SORT1: variants seen among roughly 807,000 people sequenced by gnomAD.
SORT1 encodes the protein sortilin.
Under a neutral mutation model 101.7 loss-of-function variants are expected in SORT1, and 39 were observed. The observed-to-expected ratio is 0.38, with a 90% CI of 0.30 to 0.50. The LOEUF (loss-of-function observed/expected upper bound fraction) is 0.50. SORT1 is among the 20% of genes least tolerant of loss of function. The pLI, the probability that SORT1 is intolerant of heterozygous loss-of-function variation, is 0.90. For synonymous variants in SORT1, 396 were observed against 393.7 expected, an observed-to-expected ratio of 1.01 and a Z score of -0.07; for missense variants, 878 against 1,040.4, an observed-to-expected ratio of 0.84 and a Z score of 2.15.
chr1:109,328,259 A>C (rs1377324536), intron 11 of SORT1, among the ~76,000 whole-genome samples: 2 of 152,234 alleles, frequency 1.3e-5, no homozygotes, highest in Non-Finnish European at 2.9e-5. Context: ...TATAATCCAG[A>C]AGTGGAATTG....
Position 109,396,914 on chromosome 1 carries a change from A to G in SORT1, c.306+673T>C, listed in dbSNP as rs997088775. The stretch of plus-strand genomic sequence containing the variant: ...GAGCTGCTTGTCCCCAGGGACAGAA[A>G]TCCCATAATTTTGAAAGTCTTTTGA... On this transcript the variant is annotated intron_variant, in intron 1 of 19. Coordinates refer to ENST00000256637, the MANE Select transcript of SORT1 (RefSeq NM_002959.7). Among the ~76,000 whole-genome samples the G allele has an allele frequency of 5.9e-5, 9 of 152,346 alleles. No individual in the cohort carries two copies. In the East Asian group the frequency reaches 1.2e-3, roughly 20 times the overall value.
chr1:109,353,772 C>T (rs923043592), intron 5 of SORT1, among the ~76,000 whole-genome samples: 1 of 152,124 alleles, frequency 6.6e-6, no homozygotes, highest in Non-Finnish European at 1.5e-5. Flanking sequence ...GGCCCTTAAC[C>T]ACAGTAAAGG....
At chr1:109,326,100 T>C (rs1009615627) in intron 13 of SORT1, among the ~76,000 whole-genome samples, 3 of 149,706 alleles carry the variant, frequency 2.0e-5, no homozygotes, top group Non-Finnish European at 4.4e-5. Context: ...TCACCCAGGC[T>C]GGAGTGCAGT....
chr1:109,353,121 T>C (rs1178989787), intron 5 of SORT1, among the ~76,000 whole-genome samples: 5 of 151,130 alleles, frequency 3.3e-5, no homozygotes, highest in Non-Finnish European at 5.9e-5. Flanking sequence ...AGGTCAGGAG[T>C]TCGAGACCAG....
intron 16 of SORT1, among the ~76,000 whole-genome samples, 165 bp from the exon 17 acceptor site, chr1:109,317,123 G>A (rs965373564): frequency 7.9e-5 from 12 of 152,164 alleles, no homozygotes; most frequent in African/African-American, 2.9e-4. Context: ...GGGATATTTT[G>A]TGTAGTTTCA....
intron 1 of SORT1, among the ~76,000 whole-genome samples, chr1:109,380,264 G>A (rs890074653): frequency 1.3e-5 from 2 of 152,102 alleles, no homozygotes; most frequent in Non-Finnish European, 2.9e-5. Context: ...CTGTACTCCA[G>A]CCTGGGTGAC....
At position 109,311,027 on chromosome 1, in the gene SORT1, G is replaced by A. The variant is rs906849121; in HGVS notation, c.*3016C>T. 2 of 152,208 alleles carry A rather than the reference G, an allele frequency of 1.3e-5. No homozygotes were observed. The highest frequency in any genetic ancestry group is 6.5e-5 in the Admixed American group (1 of 15,286). 9.4% of individuals were successfully genotyped at this position (152,208 alleles called of 1,614,324 possible). A position where few individuals can be genotyped will look rare whatever the true frequency, so the allele number is the denominator to read the frequency against. ...GACGTAGATTCTACGTTCCAGTTAC[G>A]GCTGATCTATGGACTCTCCTGAGCC... is the stretch of plus-strand genomic sequence containing the variant. On this transcript the variant is annotated 3_prime_UTR_variant, in exon 20 of 20. Coordinates refer to ENST00000256637, the MANE Select transcript of SORT1 (RefSeq NM_002959.7).
At chr1:109,318,662 TC>T (rs951443319) in intron 15 of SORT1, among the ~76,000 whole-genome samples, 1 of 151,340 alleles carries the variant, frequency 6.6e-6, no homozygotes. Context: ...TTCTTCCCCC[TC>T]CCCGCTTTTT....
intron 11 of SORT1, among the ~76,000 whole-genome samples, chr1:109,331,855 C>T (rs560650523): frequency 6.7e-6 from 1 of 149,002 alleles, no homozygotes; most frequent in East Asian, 2.0e-4. Context: ...ATAAAATCAA[C>T]ATATAAAAAT....
intron 1 of SORT1, among the ~76,000 whole-genome samples, chr1:109,393,817 A>G (rs566503414): frequency 3.1e-4 from 47 of 152,178 alleles, no homozygotes; most frequent in African/African-American, 1.1e-3. Context: ...TACATACTAT[A>G]ACTCATTACA....
At position 109,355,464 on chromosome 1, in the gene SORT1, T is replaced by G. The variant is rs1650244621; in HGVS notation, c.446A>C (p.Asp149Ala). 1 of 1,536,672 alleles carries G rather than the reference T, an allele frequency of 6.5e-7. No individual in the cohort carries two copies. Among genetic ancestry groups the G allele is most frequent in the Non-Finnish European group, 9.0e-7 (1 of 1,109,778 alleles). ...AATATCCTTAAAGTTCTTCCCATAA[T>G]CCTCACTGAGAGGAAGAAAAAAAGG... ...FGQSKLYRSE[D>A]YGKNFKDITD... is the part of the protein sequence containing the mutation. The change falls in exon 4 of 20, where the codon GAT becomes GCT. Residue 149 changes from aspartate to alanine, a missense_variant. By Grantham distance (126) the Asp-to-Ala change is moderately radical (BLOSUM62 -2). Coordinates refer to ENST00000256637, the MANE Select transcript of SORT1 (RefSeq NM_002959.7).
In SORT1 at chr1:109,316,927, C is replaced by T. The variant is rs1647258722; in HGVS notation, c.2173G>A (p.Gly725Ser). The change falls in exon 17 of 20, where the codon GGT becomes AGT. Residue 725 changes from glycine (G) to serine (S), a missense_variant. By Grantham distance (56) the Gly-to-Ser change is moderately conservative. This residue lies in a region of SORT1 where 684 missense variants were observed against 894.5 expected (regional missense o/e 0.76). Coordinates refer to ENST00000256637, the MANE Select transcript of SORT1 (RefSeq NM_002959.7). ...YRKIPGDKCQGGVNPVREVKD... is the reference protein window; with the variant it reads ...YRKIPGDKCQSGVNPVREVKD... The stretch of plus-strand genomic sequence containing the variant: ...ACTTCTCGAACTGGATTTACCCCAC[C>T]CTGGCATTTGTCCCCTGGAATTTTC... 1 of 1,610,594 alleles carries T rather than the reference C, an allele frequency of 6.2e-7. No individual in the cohort carries two copies. The highest frequency in any genetic ancestry group is 8.5e-7 in the Non-Finnish European group (1 of 1,178,610).
rs1178728944 is a variant in SORT1, at chr1:109,355,377, T to C, written c.533A>G (p.Asn178Ser). The C allele has an allele frequency of 1.3e-6, 2 of 1,563,596 alleles. No individual in the cohort carries two copies. Among genetic ancestry groups the C allele is most frequent in the Non-Finnish European group, 1.8e-6 (2 of 1,134,048 alleles). Residue 178 changes from asparagine to serine, a missense_variant, in exon 4 of 20, where the codon AAC (asparagine) becomes AGC (serine). Physicochemically the swap from Asn to Ser is conservative, Grantham distance 46. Coordinates refer to ENST00000256637, the MANE Select transcript of SORT1 (RefSeq NM_002959.7). ...AAGAATGAGTCTCACCTTTCCAGAG[T>C]TCTCAGGACCAATAGCCATGCCAAA... ...TEFGMAIGPE[N>S]SGKVVLTAEV...
intron 3 of SORT1, among the ~76,000 whole-genome samples, chr1:109,364,607 C>T (rs1256277458): frequency 6.6e-6 from 1 of 152,174 alleles, no homozygotes; most frequent in Admixed American, 6.5e-5. Flanking sequence ...ACCGACCCAT[C>T]AGCATGGATG....
chr1:109,328,908 C>T (rs1012969955), intron 11 of SORT1, among the ~76,000 whole-genome samples: 1 of 152,170 alleles, frequency 6.6e-6, no homozygotes, highest in Admixed American at 6.5e-5. Flanking sequence ...CAGGGTAGGG[C>T]CCACCCCTGC....
At chr1:109,371,436 C>T (rs1651478102) in intron 1 of SORT1, among the ~76,000 whole-genome samples, 1 of 152,190 alleles carries the variant, frequency 6.6e-6, no homozygotes, top group Admixed American at 6.5e-5. Context: ...GCTAAGATCA[C>T]AGTCATCTAA....
At chr1:109,388,058 A>C (rs949796644) in intron 1 of SORT1, among the ~76,000 whole-genome samples, 1 of 151,202 alleles carries the variant, frequency 6.6e-6, no homozygotes. Context: ...CAAGTAGTAC[A>C]TTTTTTTTTC....
intron 1 of SORT1, among the ~76,000 whole-genome samples, chr1:109,373,080 A>C (rs767041196): frequency 7.2e-5 from 11 of 152,024 alleles, no homozygotes; most frequent in Non-Finnish European, 1.3e-4. Context: ...AGAAAAAAAA[A>C]CCCAAAACGA....
chr1:109,373,875 G>A (rs113468296), intron 1 of SORT1, among the ~76,000 whole-genome samples: 64 of 151,670 alleles, frequency 4.2e-4, no homozygotes, highest in African/African-American at 1.4e-3. Context: ...CTTGAGGCCA[G>A]GAGTTCAAAG....
Sources: allele counts gnomAD v4.1 joint callset (sites outside exome capture counted in the v4.1 genomes callset), GRCh38; gene constraint gnomAD v4.1.1; regional missense constraint gnomAD v4.1.1; transcripts MANE v1.5; gene names NCBI Gene and HGNC (gene_info 2026-07-23, HGNC 2026-07-21).